The following VEGFD variants were observed in gnomAD, a reference collection of about 807,000 sequenced individuals.
The protein encoded by VEGFD is vascular endothelial growth factor D, also known as c-fos induced growth factor (vascular endothelial growth factor D).
VEGFD carries 26 observed loss-of-function variants against 28.0 expected under a neutral mutation model. That is an observed-to-expected ratio of 0.93 (90% confidence interval 0.68 to 1.29). The LOEUF (loss-of-function observed/expected upper bound fraction) is 1.29. Among genes scored for constraint, VEGFD ranks in the 50% most tolerant of loss-of-function variants. The probability of loss-of-function intolerance (pLI) is 0.00; values close to 1 mark genes in which losing one functional copy is unlikely to be tolerated. For missense variants in VEGFD, 294 were observed against 273.4 expected, an observed-to-expected ratio of 1.08 and a Z score of -0.53; for synonymous variants, 93 against 95.5, an observed-to-expected ratio of 0.97 and a Z score of 0.15.
intron 1 of VEGFD, among the ~76,000 whole-genome samples, chrX:15,374,337 T>C (rs1381677473): frequency 8.9e-6 from 1 of 112,236 alleles, no homozygotes; most frequent in Non-Finnish European, 1.9e-5. Context: ...TGTCATTCAA[T>C]GGGTGAACGG....
intron 1 of VEGFD, among the ~76,000 whole-genome samples, chrX:15,374,637 G>A (rs142641643): frequency 0.018 from 2,025 of 111,176 alleles, 38 homozygotes; most frequent in African/African-American, 0.063. Flanking sequence ...GAATAGTTCC[G>A]TATCCTAATT....
At chrX:15,353,236 A>G in intron 4 of VEGFD, 68 bp from the exon 5 acceptor site, 1 of 582,326 alleles carries the variant, frequency 1.7e-6, no homozygotes, top group Non-Finnish European at 2.7e-6. Flanking sequence ...GGAACATTAA[A>G]TAAATTCCTG....
chrX:15,380,657 A>G (rs1251088533), intron 1 of VEGFD, among the ~76,000 whole-genome samples: 1 of 113,254 alleles, frequency 8.8e-6, no homozygotes. Context: ...GGCTTTCCCC[A>G]GCATCTTCAG....
intron 1 of VEGFD, among the ~76,000 whole-genome samples, chrX:15,382,286 C>T (rs929814419): frequency 2.6e-4 from 28 of 108,122 alleles, no homozygotes; most frequent in Non-Finnish European, 4.6e-4. Flanking sequence ...CATCACTACA[C>T]TCCAGCCTGG....
At chrX:15,378,721 A>T (rs1328048813) in intron 1 of VEGFD, among the ~76,000 whole-genome samples, 1 of 112,187 alleles carries the variant, frequency 8.9e-6, no homozygotes, top group Non-Finnish European at 1.9e-5. Flanking sequence ...CCATGGGCCA[A>T]ATCTAACCTG....
At chrX:15,368,035 G>GAAAGAAAGAAAGA (rs778478507) in intron 1 of VEGFD, among the ~76,000 whole-genome samples, 1 of 37,430 alleles carries the variant, frequency 2.7e-5, no homozygotes, top group Non-Finnish European at 5.1e-5. Flanking sequence ...AGAAAGGAAA[G>GAAAGAAAGAAAGA]AAGAAAGAAA....
chrX:15,379,725 C>A (rs897288656), intron 1 of VEGFD, among the ~76,000 whole-genome samples: 1 of 111,988 alleles, frequency 8.9e-6, no homozygotes, highest in Admixed American at 9.5e-5. Flanking sequence ...ATTTCTGTAG[C>A]ACCTCTATCC....
intron 1 of VEGFD, among the ~76,000 whole-genome samples, chrX:15,381,662 C>A (rs923030260): frequency 9.9e-5 from 11 of 111,164 alleles, no homozygotes; most frequent in African/African-American, 3.3e-4. Context: ...CTTAGATTTT[C>A]TTTTCTTAAA....
chrX:15,355,971 C>G (rs1922857246), intron 3 of VEGFD, among the ~76,000 whole-genome samples: 1 of 112,209 alleles, frequency 8.9e-6, no homozygotes, highest in Non-Finnish European at 1.9e-5. Context: ...TTTGGAACCA[C>G]TGAGTTTTAG....
Position 15,346,054 on chromosome X carries a change from G to C in VEGFD, c.*79C>G. On this transcript the variant is annotated 3_prime_UTR_variant, in exon 7 of 7. Transcript: ENST00000297904. ...AAAATGGATTTTTTTTTTAACACCT[G>C]GGAAAAAAACAGTGACAGCAACTTG... The C allele has an allele frequency of 2.7e-6, 3 of 1,119,389 alleles. No homozygotes were observed. Among genetic ancestry groups the C allele is most frequent in the Non-Finnish European group, 3.6e-6 (3 of 833,288 alleles). 92.3% of individuals were successfully genotyped at this position (1,119,389 alleles called of 1,213,427 possible).
Position 15,382,049 on chromosome X carries a change from G to A in VEGFD, c.90+1808C>T, listed in dbSNP as rs192215152. ...AAACTTCACAGTGCCAGCCGGGCGC[G>A]GTGGCTCACGCCTGTAATCCCAGCA... On this transcript the variant is annotated intron_variant, in intron 1 of 6. Transcript: ENST00000297904. Among the ~76,000 whole-genome samples, 787 of 111,729 alleles carry A rather than the reference G, an allele frequency of 7.0e-3. 7 individuals carry two copies. Among genetic ancestry groups the A allele is most frequent in the African/African-American group, 0.025 (758 of 30,689 alleles).
Position 15,348,256 on chromosome X carries a change from C to A in VEGFD, c.743-897G>T, listed in dbSNP as rs144746539. The stretch of plus-strand genomic sequence containing the variant: ...TCAGTTCTGCCTCTCTAAATTTGTT[C>A]TTTATTTTCCATCCCCACTACCACT... On this transcript the variant is annotated intron_variant, in intron 5 of 6. Coordinates refer to ENST00000297904, the MANE Select transcript of VEGFD (RefSeq NM_004469.5). Among the ~76,000 whole-genome samples, 803 of 111,810 alleles carry A rather than the reference C, an allele frequency of 7.2e-3. 13 individuals carry two copies. The highest frequency in any genetic ancestry group is 0.025 in the African/African-American group (766 of 30,704).
chrX:15,372,440 A>AC (rs1923333290), intron 1 of VEGFD, among the ~76,000 whole-genome samples: 1 of 92,727 alleles, frequency 1.1e-5, no homozygotes, highest in African/African-American at 4.5e-5. Flanking sequence ...AAGCTCTCAC[A>AC]AAAAAAAAAA....
At chrX:15,364,634 A>T (rs754023463) in intron 1 of VEGFD, among the ~76,000 whole-genome samples, 1 of 111,544 alleles carries the variant, frequency 9.0e-6, no homozygotes, top group Admixed American at 9.5e-5. Context: ...TAGTTACTAG[A>T]TGTTTGTTTT....
At chrX:15,364,725 G>A (rs778602028) in intron 1 of VEGFD, among the ~76,000 whole-genome samples, 1 of 112,000 alleles carries the variant, frequency 8.9e-6, no homozygotes, top group East Asian at 2.8e-4. Context: ...TGCTGAGAGA[G>A]GAGGGTGGAA....
intron 1 of VEGFD, among the ~76,000 whole-genome samples, chrX:15,380,826 T>C (rs911371090): frequency 8.9e-6 from 1 of 112,833 alleles, no homozygotes; most frequent in African/African-American, 3.2e-5. Context: ...GGCTGTCACA[T>C]ACAGATATGT....
intron 1 of VEGFD, among the ~76,000 whole-genome samples, chrX:15,380,474 CCAG>C: frequency 8.9e-6 from 1 of 112,330 alleles, no homozygotes; most frequent in African/African-American, 3.2e-5. Flanking sequence ...TATTCTTCTA[CCAG>C]TGTAATTAAG....
rs771145372 is a variant in VEGFD at position 15,367,954 on chromosome X, A to AAAAG, written c.91-4639_91-4636dup. Among the ~76,000 whole-genome samples the AAAAG allele has an allele frequency of 4.6e-3, 454 of 98,688 alleles. 5 individuals are homozygous for AAAAG. The highest frequency in any genetic ancestry group is 0.013 in the African/African-American group (321 of 25,416). The allele number at this position is 98,688 out of a possible 115,157, so 85.7% of individuals were successfully genotyped here. On this transcript the variant is annotated intron_variant, in intron 1 of 6. Transcript: ENST00000297904. ...CCTGGGCAATGGAGCACGATCTTGA[A>AAAAG]AAAGAAAGAAAGAAAGAAAGAAAGA...
chrX:15,374,716 T>A (rs745445275), intron 1 of VEGFD, among the ~76,000 whole-genome samples: 1 of 111,057 alleles, frequency 9.0e-6, no homozygotes, highest in African/African-American at 3.3e-5. Flanking sequence ...AGGGAAAAAA[T>A]CCATTTTACT....
Sources: gnomAD v4.1 joint callset for allele counts (sites outside exome capture counted in the v4.1 genomes callset) on GRCh38, gnomAD v4.1.1 for gene constraint, MANE v1.5 for transcripts, NCBI Gene and HGNC (gene_info 2026-07-23, HGNC 2026-07-21) for gene names.